FLT1: variants seen among roughly 807,000 people sequenced by gnomAD.
FLT1 encodes vascular endothelial growth factor receptor 1.
Under a neutral mutation model 156.3 loss-of-function variants are expected in FLT1, and 49 were observed. The observed-to-expected ratio is 0.31, with a 90% CI of 0.25 to 0.40. The LOEUF is 0.40. FLT1 is among the 10% of genes least tolerant of loss of function. The pLI, the probability that FLT1 is intolerant of heterozygous loss-of-function variation, is 1.00. For synonymous variants in FLT1, 594 were observed against 583.8 expected (o/e 1.02, Z -0.25); for missense variants, 1,322 against 1,637.2 (o/e 0.81, Z 3.32).
intron 10 of FLT1, among the ~76,000 whole-genome samples, chr13:28,423,203 C>A (rs1357156160): frequency 6.6e-6 from 1 of 152,178 alleles, no homozygotes; most frequent in Non-Finnish European, 1.5e-5. Flanking sequence ...CCTCAGCCAA[C>A]CCACAGGGCA....
intron 4 of FLT1, among the ~76,000 whole-genome samples, chr13:28,435,762 T>C (rs1877991092): frequency 6.6e-6 from 1 of 152,206 alleles, no homozygotes; most frequent in African/African-American, 2.4e-5. Context: ...CGGTGTTCCT[T>C]GGGTTTGAAA....
At chr13:28,407,958 T>A (rs1449774145) in intron 10 of FLT1, among the ~76,000 whole-genome samples, 6 of 152,228 alleles carry the variant, frequency 3.9e-5, no homozygotes, top group African/African-American at 7.2e-5. Flanking sequence ...AGACTTGCTA[T>A]CTTTCACACA....
intron 10 of FLT1, among the ~76,000 whole-genome samples, chr13:28,411,575 A>G (rs940708319): frequency 4.0e-5 from 6 of 151,520 alleles, no homozygotes; most frequent in African/African-American, 1.5e-4. Flanking sequence ...AAAACTTACA[A>G]CAAAATAAAA....
chr13:28,409,534 C>T (rs1217703847), intron 10 of FLT1, among the ~76,000 whole-genome samples: 1 of 151,870 alleles, frequency 6.6e-6, no homozygotes, highest in Non-Finnish European at 1.5e-5. Flanking sequence ...GGGGTTTAAC[C>T]ATGTTGCCCA....
intron 27 of FLT1, 108 bp from the exon 28 acceptor site, chr13:28,309,035 C>T (rs1161334916): frequency 1.4e-6 from 1 of 708,414 alleles, no homozygotes; most frequent in East Asian, 2.8e-5. Flanking sequence ...AACACACCAA[C>T]AGGAATCACC....
chr13:28,368,717 T>TG, intron 14 of FLT1: 1 of 755,062 alleles, frequency 1.3e-6, no homozygotes, highest in Non-Finnish European at 2.3e-6. Flanking sequence ...TTTTTTTTTT[T>TG]TTTTGAGACA....
In FLT1 at chr13:28,322,405, C is replaced by G; in HGVS notation, c.2954-46G>C. 8.6e-7 allele frequency: 1 copy of G among 1,157,468 alleles called. No individual in the cohort carries two copies. The highest frequency in any genetic ancestry group is 1.2e-5 in the South Asian group (1 of 81,782). 71.7% of individuals were successfully genotyped at this position (1,157,468 alleles called of 1,614,324 possible). A position where few individuals can be genotyped will look rare whatever the true frequency, so the allele number is the denominator to read the frequency against. On this transcript the variant is annotated intron_variant, in intron 21 of 29. Transcript: ENST00000282397. This position sits in a 1 kb window ranked among gnomAD's most constrained non-coding sequence, Gnocchi z 4.3. ...AACTGTTTGTAATGGCTCTTGTTAT[C>G]CCACCAAATCCCAGTTTATTGGAAC...
chr13:28,490,001 A>C (rs1881383338), intron 1 of FLT1, among the ~76,000 whole-genome samples: 1 of 152,214 alleles, frequency 6.6e-6, no homozygotes. Flanking sequence ...TTAGTCAATA[A>C]ATATTTGAAC....
intron 1 of FLT1, among the ~76,000 whole-genome samples, chr13:28,477,841 C>A (rs1056787066): frequency 6.6e-6 from 1 of 152,174 alleles, no homozygotes; most frequent in Non-Finnish European, 1.5e-5. Flanking sequence ...TTATGCTACT[C>A]AGAAGTTGTT....
intron 27 of FLT1, among the ~76,000 whole-genome samples, chr13:28,310,188 C>A (rs1381227053): frequency 1.3e-5 from 2 of 152,154 alleles, no homozygotes; most frequent in African/African-American, 4.8e-5. Context: ...CTGTGCCCGG[C>A]CGCAAGCAGT....
chr13:28,475,470 G>A (rs183337479), intron 1 of FLT1, among the ~76,000 whole-genome samples: 24 of 152,268 alleles, frequency 1.6e-4, no homozygotes, highest in Admixed American at 1.3e-3. Flanking sequence ...AAGATCATGA[G>A]CCTTTTACAA....
At position 28,355,710 on chromosome 13, in the gene FLT1, C is replaced by T. The variant is rs77083781; in HGVS notation, c.2248+1844G>A. Among the ~76,000 whole-genome samples the T allele has an allele frequency of 4.3e-3, 653 of 152,254 alleles. 14 individuals carry two copies. The highest frequency in any genetic ancestry group is 0.034 in the East Asian group (174 of 5,164). On this transcript the variant is annotated intron_variant, in intron 15 of 29. Coordinates refer to ENST00000282397, the MANE Select transcript of FLT1 (RefSeq NM_002019.4). ...CACGCTTGGCGTTATGTGGCAAGTCCGGCTCACTAATGGCCAAACGACTGA... is the reference window on the plus strand; with the variant it reads ...CACGCTTGGCGTTATGTGGCAAGTCTGGCTCACTAATGGCCAAACGACTGA...
chr13:28,368,576 A>G, intron 14 of FLT1: 1 of 1,507,920 alleles, frequency 6.6e-7, no homozygotes, highest in Non-Finnish European at 9.0e-7. Context: ...TAATGATGAT[A>G]GCTATGATGA....
chr13:28,313,595 C>T (rs1420678055), intron 25 of FLT1, among the ~76,000 whole-genome samples: 3 of 152,128 alleles, frequency 2.0e-5, no homozygotes, highest in African/African-American at 7.2e-5. Context: ...CCACACCTCT[C>T]GCCTACCACA....
At position 28,434,238 on chromosome 13, in the gene FLT1, T is replaced by C. The variant is rs767683737; in HGVS notation, c.514-18A>G. The C allele has an allele frequency of 4.3e-6, 7 of 1,613,270 alleles. No homozygotes were observed. The highest frequency in any genetic ancestry group is 4.5e-5 in the East Asian group (2 of 44,876). On this transcript the variant is annotated intron_variant, in intron 4 of 29. Transcript: ENST00000282397. Reference sequence around the variant, plus strand: ...AGTGGAAACTGAAAAGGAAGAGGCATGCATTAACAAGGTCCTATTAGCACT... The same window carrying C: ...AGTGGAAACTGAAAAGGAAGAGGCACGCATTAACAAGGTCCTATTAGCACT...
chr13:28,391,482 C>A (rs1445960551), intron 12 of FLT1, among the ~76,000 whole-genome samples: 1 of 152,194 alleles, frequency 6.6e-6, no homozygotes, highest in Admixed American at 6.5e-5. Context: ...ACCTGGAAGC[C>A]CCCTCCCCAC....
intron 10 of FLT1, among the ~76,000 whole-genome samples, chr13:28,411,908 T>C (rs1876220454): frequency 6.6e-6 from 1 of 151,826 alleles, no homozygotes; most frequent in Admixed American, 6.5e-5. Context: ...CTTTTTTTCT[T>C]TTTTGGATGA....
intron 3 of FLT1, among the ~76,000 whole-genome samples, chr13:28,466,085 T>C (rs1296954077): frequency 6.6e-6 from 1 of 152,188 alleles, no homozygotes; most frequent in Non-Finnish European, 1.5e-5. Flanking sequence ...GTTTTTTTCT[T>C]TAATCCCCTC....
At chr13:28,435,293 T>C (rs1406024413) in intron 4 of FLT1, among the ~76,000 whole-genome samples, 4 of 152,194 alleles carry the variant, frequency 2.6e-5, no homozygotes, top group African/African-American at 9.7e-5. Context: ...TGATCTGACT[T>C]TCTCCTTATG....
Sources: allele counts gnomAD v4.1 joint callset (sites outside exome capture counted in the v4.1 genomes callset), GRCh38; gene constraint gnomAD v4.1.1; non-coding constraint Gnocchi (gnomAD v3.1); transcripts MANE v1.5; gene names NCBI Gene and HGNC (gene_info 2026-07-23, HGNC 2026-07-21).